GSE1: variants seen among roughly 807,000 people sequenced by gnomAD.
GSE1 encodes genetic suppressor element 1.
A neutral mutation model predicts 112.6 loss-of-function variants in GSE1; 32 were observed. The ratio of observed to expected loss-of-function variants is 0.28; its 90% CI spans 0.21 to 0.38. The LOEUF is 0.38. GSE1 is among the 10% of genes least tolerant of loss of function. The pLI is 1.00. For missense variants in GSE1, 2,348 were observed against 1,699.2 expected (o/e 1.38, Z -6.71); for synonymous variants, 1,115 against 735.6 (o/e 1.52, Z -8.35).
chr16:85,309,405 G>T (rs1218426969), intron 1 of GSE1, among the ~76,000 whole-genome samples: 2 of 152,046 alleles, frequency 1.3e-5, no homozygotes, highest in African/African-American at 4.8e-5. Flanking sequence ...GAGGCAGGAG[G>T]ATCGCTTGAA....
intron 1 of GSE1, among the ~76,000 whole-genome samples, chr16:85,605,312 C>T (rs775893435): frequency 6.6e-6 from 1 of 151,942 alleles, no homozygotes; most frequent in African/African-American, 2.4e-5. Flanking sequence ...AAAAGAGTTC[C>T]GCTGCTCTCA....
exon 2 of GSE1, chr16:85,357,543 G>A (rs1026721150): frequency 5.4e-6 from 7 of 1,284,848 alleles, no homozygotes; most frequent in Middle Eastern, 2.1e-4. Flanking sequence ...GCGCCCCCAC[G>A]GAGACCCTGC....
At chr16:85,364,953 G>T (rs960422004) in intron 2 of GSE1, among the ~76,000 whole-genome samples, 3 of 152,238 alleles carry the variant, frequency 2.0e-5, no homozygotes, top group Non-Finnish European at 4.4e-5. Context: ...CCTGGGTCCT[G>T]TGTACTGTGG....
upstream of GSE1, among the ~76,000 whole-genome samples, chr16:85,552,767 C>T (rs2044990354): frequency 6.6e-6 from 1 of 152,210 alleles, no homozygotes; most frequent in African/African-American, 2.4e-5. Context: ...CATAGTCTTC[C>T]CCACTGCAGC....
chr16:85,667,501 C>A (rs1387693622), intron 13 of GSE1, among the ~76,000 whole-genome samples: 1 of 152,240 alleles, frequency 6.6e-6, no homozygotes, highest in Non-Finnish European at 1.5e-5. Flanking sequence ...GGGATCAAAA[C>A]AGCCACGCCT....
intron 1 of GSE1, among the ~76,000 whole-genome samples, chr16:85,202,058 G>T (rs2075038345): frequency 6.6e-6 from 1 of 152,222 alleles, no homozygotes; most frequent in African/African-American, 2.4e-5. Context: ...CCTGGTGGGT[G>T]GTGGCGGGCC....
In GSE1 at chr16:85,215,694, G is replaced by A. The variant is rs79315983; in HGVS notation, c.2283+43887G>A. 4.9e-3 allele frequency among the ~76,000 whole-genome samples: 745 copies of A among 152,272 alleles called. 5 individuals carry two copies. Among genetic ancestry groups the A allele is most frequent in the African/African-American group, 0.016 (680 of 41,542 alleles). ...TCACAGAGTGCCTGCTGTGTGCCCC[G>A]CACTGTTCCAGCACTTGGGGATCAG... On this transcript the variant is annotated intron_variant, in intron 1 of 2. Transcript: ENST00000637419.
intron 1 of GSE1, among the ~76,000 whole-genome samples, chr16:85,602,918 G>A (rs973637961): frequency 6.6e-6 from 1 of 152,242 alleles, no homozygotes; most frequent in Non-Finnish European, 1.5e-5. Context: ...GGAGCGGGGC[G>A]CTCCGTGGGC....
chr16:85,436,063 T>A (rs1188968436), intron 2 of GSE1, among the ~76,000 whole-genome samples: 1 of 152,216 alleles, frequency 6.6e-6, no homozygotes, highest in East Asian at 1.9e-4. Context: ...TTCTTTAAGC[T>A]GTCTGCATCA....
intron 1 of GSE1, among the ~76,000 whole-genome samples, chr16:85,269,265 C>T (rs573574889): frequency 4.7e-5 from 7 of 149,692 alleles, no homozygotes; most frequent in Admixed American, 3.3e-4. Flanking sequence ...CAGGCCCTTC[C>T]TGGGGGAGCA....
At chr16:85,553,319 G>A (rs1215618247), upstream of GSE1, among the ~76,000 whole-genome samples, 1 of 150,632 alleles carries the variant, frequency 6.6e-6, no homozygotes, top group Admixed American at 6.6e-5. Context: ...GCTGCCGGCG[G>A]GTGCAAGGGG....
At chr16:85,478,509 A>G (rs1438869076) in intron 2 of GSE1, among the ~76,000 whole-genome samples, 1 of 146,650 alleles carries the variant, frequency 6.8e-6, no homozygotes, top group African/African-American at 2.6e-5. Flanking sequence ...CCTGGGTGAC[A>G]GCACGAAACT....
At chr16:85,312,101 C>G (rs567218252) in intron 1 of GSE1, among the ~76,000 whole-genome samples, 1 of 151,816 alleles carries the variant, frequency 6.6e-6, no homozygotes. Flanking sequence ...GAACAGGACG[C>G]TCAGACTCTC....
intron 2 of GSE1, among the ~76,000 whole-genome samples, chr16:85,380,971 A>G (rs955589255): frequency 5.3e-5 from 8 of 152,234 alleles, no homozygotes; most frequent in African/African-American, 1.9e-4. Flanking sequence ...ACCTAACACA[A>G]AATTAACTGG....
chr16:85,669,217 C>T (rs796234066), intron 14 of GSE1, among the ~76,000 whole-genome samples: 3 of 152,392 alleles, frequency 2.0e-5, no homozygotes, highest in African/African-American at 7.2e-5. Context: ...ACCATCCTTA[C>T]TGCGTGGGCA....
chr16:85,284,698 G>A (rs2044964942), intron 1 of GSE1, among the ~76,000 whole-genome samples: 1 of 152,168 alleles, frequency 6.6e-6, no homozygotes, highest in Admixed American at 6.5e-5. Context: ...CGTTCAGGCT[G>A]GAGGGATCGT....
intron 2 of GSE1, among the ~76,000 whole-genome samples, chr16:85,486,771 C>T (rs1033078339): frequency 2.6e-5 from 4 of 152,164 alleles, no homozygotes; most frequent in African/African-American, 7.2e-5. Flanking sequence ...CTCGGGGGTT[C>T]CCCCAGCCCC....
chr16:85,370,272 G>C (rs75674073), intron 2 of GSE1, among the ~76,000 whole-genome samples: 2,574 of 152,234 alleles, frequency 0.017, 69 homozygotes, highest in African/African-American at 0.057. Flanking sequence ...CCTAGCCTCT[G>C]AGCAACGCAC....
chr16:85,603,912 C>G (rs944698941), intron 1 of GSE1, among the ~76,000 whole-genome samples: 2 of 152,204 alleles, frequency 1.3e-5, no homozygotes, highest in Admixed American at 6.5e-5. Flanking sequence ...ATGCAGCCCT[C>G]GTCTCTGTCC....
Sources: allele counts gnomAD v4.1 joint callset (sites outside exome capture counted in the v4.1 genomes callset), GRCh38; gene constraint gnomAD v4.1.1; transcripts MANE v1.5; gene names NCBI Gene and HGNC (gene_info 2026-07-23, HGNC 2026-07-21).